The following AKIRIN2 variants were observed in gnomAD, a reference collection of about 807,000 sequenced individuals.
AKIRIN2 encodes the protein akirin-2.
In AKIRIN2, 6 loss-of-function variants were observed where a neutral mutation model predicts 29.3. That is an observed-to-expected ratio of 0.20 (90% CI 0.11 to 0.40). The LOEUF is 0.40. Among genes scored for constraint, AKIRIN2 ranks in the 10% least tolerant of loss-of-function variants. The pLI, the probability that AKIRIN2 is intolerant of heterozygous loss-of-function variation, is 1.00. For missense variants in AKIRIN2, 210 were observed against 276.1 expected (o/e 0.76, Z 1.70); for synonymous variants, 128 against 117.5 (o/e 1.09, Z -0.58).
At chr6:87,678,464 T>C (rs1771063356) in intron 2 of AKIRIN2, among the ~76,000 whole-genome samples, 1 of 151,996 alleles carries the variant, frequency 6.6e-6, no homozygotes, top group Non-Finnish European at 1.5e-5. Flanking sequence ...ATCACGCCAT[T>C]GCACTCCAGC....
chr6:87,678,349 A>AG (rs1416089537), intron 2 of AKIRIN2, among the ~76,000 whole-genome samples: 1 of 150,828 alleles, frequency 6.6e-6, no homozygotes, highest in Non-Finnish European at 1.5e-5. Flanking sequence ...AATACATAAA[A>AG]AAATTAGCCA....
intron 1 of AKIRIN2, among the ~76,000 whole-genome samples, chr6:87,692,981 C>T (rs1245610149): frequency 6.6e-6 from 1 of 152,126 alleles, no homozygotes; most frequent in Non-Finnish European, 1.5e-5. Context: ...GTAATCCCAG[C>T]ACTTTGGGAG....
chr6:87,677,779 A>T, intron 3 of AKIRIN2, 39 bp downstream of exon 3: 1 of 1,597,476 alleles, frequency 6.3e-7, no homozygotes, highest in Non-Finnish European at 8.6e-7. Flanking sequence ...ATTTCACACA[A>T]CTGAGTTCCT....
intron 1 of AKIRIN2, among the ~76,000 whole-genome samples, chr6:87,699,238 T>G (rs1771419887): frequency 6.6e-6 from 1 of 152,178 alleles, no homozygotes; most frequent in African/African-American, 2.4e-5. Flanking sequence ...GGGAAGCTCT[T>G]TGATACCTGC....
intron 2 of AKIRIN2, among the ~76,000 whole-genome samples, chr6:87,678,511 A>C (rs1341714429): frequency 6.6e-6 from 1 of 152,148 alleles, no homozygotes; most frequent in African/African-American, 2.4e-5. Context: ...TCAAAAAAAT[A>C]AAAACAAAAA....
chr6:87,681,513 T>C (rs1771122443), intron 2 of AKIRIN2, 107 bp downstream of exon 2: 1 of 1,140,874 alleles, frequency 8.8e-7, no homozygotes, highest in Non-Finnish European at 1.2e-6. Flanking sequence ...TAAATGTTTT[T>C]TTAAAACTCA....
chr6:87,689,936 G>C (rs1305717560), intron 1 of AKIRIN2, among the ~76,000 whole-genome samples: 1 of 152,140 alleles, frequency 6.6e-6, no homozygotes, highest in Non-Finnish European at 1.5e-5. Context: ...TCTTGGCCAC[G>C]GGCGGTGGCT....
intron 1 of AKIRIN2, among the ~76,000 whole-genome samples, chr6:87,700,170 G>C (rs975147905): frequency 6.6e-6 from 1 of 150,882 alleles, no homozygotes; most frequent in Non-Finnish European, 1.5e-5. Flanking sequence ...CTCTAAAACA[G>C]TATGTCCTTA....
chr6:87,693,612 T>C (rs1225420331), intron 1 of AKIRIN2, among the ~76,000 whole-genome samples: 1 of 150,488 alleles, frequency 6.6e-6, no homozygotes, highest in Admixed American at 6.6e-5. Context: ...GTAATCCCAG[T>C]TACTCAGGAG....
In AKIRIN2 at chr6:87,675,339, A is replaced by C. The variant is rs191688575; in HGVS notation, c.*258T>G. The C allele has an allele frequency of 9.2e-4, 485 of 525,796 alleles. 4 individuals are homozygous for C. Among genetic ancestry groups the C allele is most frequent in the African/African-American group, 8.4e-3 (445 of 53,060 alleles). The allele number at this position is 525,796 out of a possible 1,614,324, so 32.6% of individuals were successfully genotyped here. A position where few individuals can be genotyped will look rare whatever the true frequency, so the allele number is the denominator to read the frequency against. On this transcript the variant is annotated 3_prime_UTR_variant, in exon 5 of 5. Coordinates refer to ENST00000257787, the MANE Select transcript of AKIRIN2 (RefSeq NM_018064.4). ...TTAATCCTTTTCAAACATTAATATA[A>C]GAAGCCAAATTGTAATGATACAGCA...
Position 87,677,939 on chromosome 6 carries a change from T to C in AKIRIN2, c.408A>G (p.Leu136=), listed in dbSNP as rs1340749008. 1 of 1,614,050 alleles carries C rather than the reference T, an allele frequency of 6.2e-7. No individual in the cohort carries two copies. The highest frequency in any genetic ancestry group is 1.1e-5 in the South Asian group (1 of 91,074). ...GAGTAAATAAGGGCTGTTCTTTTTTTAATGGTGAGGATGCTGCAGATGAAG... is the reference window on the plus strand; with the variant it reads ...GAGTAAATAAGGGCTGTTCTTTTTTCAATGGTGAGGATGCTGCAGATGAAG... ...PGTSSAASSP[L]KKEQPLFTLR... is the part of the protein sequence containing the mutation. The change falls in exon 3 of 5, where the codon TTA becomes TTG. Residue 136 remains leucine, a synonymous_variant. Transcript: ENST00000257787.
chr6:87,685,927 T>C (rs1440330276), intron 1 of AKIRIN2, among the ~76,000 whole-genome samples: 2 of 152,082 alleles, frequency 1.3e-5, no homozygotes, highest in African/African-American at 4.8e-5. Flanking sequence ...TAACAACAAA[T>C]TAGGAGGCCA....
At chr6:87,683,089 G>A (rs1418426180) in intron 1 of AKIRIN2, among the ~76,000 whole-genome samples, 1 of 152,030 alleles carries the variant, frequency 6.6e-6, no homozygotes, top group Admixed American at 6.6e-5. Flanking sequence ...GAGAGACTCT[G>A]GGAGGACAAA....
intron 2 of AKIRIN2, among the ~76,000 whole-genome samples, chr6:87,679,887 G>A (rs909495245): frequency 5.9e-5 from 9 of 152,052 alleles, no homozygotes; most frequent in African/African-American, 1.4e-4. Flanking sequence ...TCTTCATCTC[G>A]CTCTGTGAAT....
chr6:87,700,216 T>C (rs79996375), intron 1 of AKIRIN2, among the ~76,000 whole-genome samples: 2,486 of 151,602 alleles, frequency 0.016, 72 homozygotes, highest in African/African-American at 0.055. Flanking sequence ...AAATGGTAGC[T>C]TGCATATTCG....
At chr6:87,691,440 TAAAAAAAA>T (rs34981397) in intron 1 of AKIRIN2, among the ~76,000 whole-genome samples, 10 of 84,830 alleles carry the variant, frequency 1.2e-4, no homozygotes, top group African/African-American at 1.7e-4. Context: ...AACCTCATCT[TAAAAAAAA>T]AAAAAAAAAA....
chr6:87,692,865 G>T (rs1771297611), intron 1 of AKIRIN2, among the ~76,000 whole-genome samples: 2 of 151,256 alleles, frequency 1.3e-5, no homozygotes. Flanking sequence ...ACAGGAGTTA[G>T]AATAGACATC....
At chr6:87,682,536 A>T (rs776883288) in intron 1 of AKIRIN2, among the ~76,000 whole-genome samples, 16 of 152,180 alleles carry the variant, frequency 1.1e-4, no homozygotes, top group Non-Finnish European at 1.8e-4. Context: ...TTCTAACTCA[A>T]AATAATTACC....
At chr6:87,694,723 C>CTT (rs1771331116) in intron 1 of AKIRIN2, among the ~76,000 whole-genome samples, 1 of 152,142 alleles carries the variant, frequency 6.6e-6, no homozygotes, top group African/African-American at 2.4e-5. Context: ...GGAAAAAAAG[C>CTT]TACACCCCAA....
Sources: allele counts gnomAD v4.1 joint callset (sites outside exome capture counted in the v4.1 genomes callset), GRCh38; gene constraint gnomAD v4.1.1; transcripts MANE v1.5; gene names NCBI Gene and HGNC (gene_info 2026-07-23, HGNC 2026-07-21).